Variants in BMP2K observed in about 807,000 individuals in gnomAD.
The protein encoded by BMP2K is BMP-2-inducible protein kinase.
A neutral mutation model predicts 116.0 loss-of-function variants in BMP2K; 74 were observed. That is an observed-to-expected ratio of 0.64 (90% CI 0.53 to 0.77). BMP2K has a LOEUF of 0.77. Among genes scored for constraint, BMP2K ranks in the 30% least tolerant of loss-of-function variants. The pLI, the probability that BMP2K is intolerant of heterozygous loss-of-function variation, is 0.00. For missense variants in BMP2K, 1,365 were observed against 1,403.6 expected (o/e 0.97, Z 0.44); for synonymous variants, 486 against 502.5 (o/e 0.97, Z 0.44).
At chr4:78,806,566 CT>C (rs1728830418) in intron 1 of BMP2K, among the ~76,000 whole-genome samples, 1 of 152,196 alleles carries the variant, frequency 6.6e-6, no homozygotes, top group African/African-American at 2.4e-5. Context: ...ACCTAAATTG[CT>C]TGGGCTAGAA....
At chr4:78,848,550 T>A (rs377341201) in intron 6 of BMP2K, among the ~76,000 whole-genome samples, 194 of 151,674 alleles carry the variant, frequency 1.3e-3, no homozygotes, top group African/African-American at 4.4e-3. Flanking sequence ...ATAGGCATCA[T>A]ACTTTTCATT....
intron 15 of BMP2K, among the ~76,000 whole-genome samples, chr4:78,908,080 C>T (rs1486564336): frequency 1.3e-5 from 2 of 151,846 alleles, no homozygotes; most frequent in Admixed American, 6.6e-5. Flanking sequence ...AGAAGTCAAA[C>T]TTGAGAATCT....
intron 1 of BMP2K, among the ~76,000 whole-genome samples, chr4:78,820,183 T>G (rs975986430): frequency 6.6e-6 from 1 of 152,244 alleles, no homozygotes; most frequent in Non-Finnish European, 1.5e-5. Flanking sequence ...TTTGGTAAAA[T>G]GCCATCAGTA....
Position 78,874,214 on chromosome 4 carries a change from C to A in BMP2K, c.1793+1416C>A, listed in dbSNP as rs116152881. 4.3e-3 allele frequency among the ~76,000 whole-genome samples: 655 copies of A among 151,924 alleles called. 8 individuals are homozygous for A. The highest frequency in any genetic ancestry group is 0.015 in the African/African-American group (612 of 41,392). On this transcript the variant is annotated intron_variant, in intron 13 of 15. Coordinates refer to ENST00000502613, the MANE Select transcript of BMP2K (RefSeq NM_198892.2). ...ACACACACACACAAAAAGTTCAGAT[C>A]AGTATTTGCCGAACTCTTTGTCATT...
At chr4:78,865,488 C>A in intron 9 of BMP2K, 69 bp from the exon 10 acceptor site, 1 of 1,448,240 alleles carries the variant, frequency 6.9e-7, no homozygotes, top group Non-Finnish European at 9.6e-7. Flanking sequence ...GAGTTGGATG[C>A]TTTATAGAAT....
intron 8 of BMP2K, chr4:78,860,174 C>A (rs1270583839): frequency 1.4e-5 from 6 of 436,760 alleles, no homozygotes; most frequent in Middle Eastern, 3.6e-4. Context: ...GAGTAATAGA[C>A]ATTGGAAGTC....
chr4:78,903,016 C>G (rs1349267906), intron 15 of BMP2K, among the ~76,000 whole-genome samples: 1 of 150,538 alleles, frequency 6.6e-6, no homozygotes, highest in Non-Finnish European at 1.5e-5. Context: ...TAGGCATTGA[C>G]TACAAATTTT....
intron 7 of BMP2K, among the ~76,000 whole-genome samples, chr4:78,855,462 G>C (rs1410176257): frequency 6.6e-6 from 1 of 152,100 alleles, no homozygotes; most frequent in African/African-American, 2.4e-5. Flanking sequence ...AGAGATGGTG[G>C]CTTAACTTTA....
At chr4:78,810,147 C>T (rs1729015530) in intron 1 of BMP2K, among the ~76,000 whole-genome samples, 1 of 152,208 alleles carries the variant, frequency 6.6e-6, no homozygotes, top group Admixed American at 6.5e-5. Flanking sequence ...TCCTTAAACA[C>T]CTGGGACTAA....
At chr4:78,862,754 G>A (rs923804869) in intron 9 of BMP2K, among the ~76,000 whole-genome samples, 2 of 151,990 alleles carry the variant, frequency 1.3e-5, no homozygotes, top group African/African-American at 2.4e-5. Flanking sequence ...TTTAAAAAAT[G>A]GTGTTACTTT....
intron 13 of BMP2K, among the ~76,000 whole-genome samples, 166 bp downstream of exon 13, chr4:78,872,964 C>G (rs1475589430): frequency 6.6e-6 from 1 of 152,220 alleles, no homozygotes; most frequent in Non-Finnish European, 1.5e-5. Context: ...CATCCCCATC[C>G]TTCCGTTTCC....
At chr4:78,874,207 T>A (rs2110062960) in intron 13 of BMP2K, among the ~76,000 whole-genome samples, 2 of 150,464 alleles carry the variant, frequency 1.3e-5, no homozygotes, top group South Asian at 4.2e-4. Context: ...ACACAAAAAG[T>A]TCAGATCAGT....
chr4:78,809,990 A>C (rs1215457363), intron 1 of BMP2K, among the ~76,000 whole-genome samples: 3 of 152,202 alleles, frequency 2.0e-5, no homozygotes, highest in Non-Finnish European at 4.4e-5. Context: ...TGGAAACTGG[A>C]TTCCTCTACT....
At chr4:78,787,999 AG>A (rs1403221263) in intron 1 of BMP2K, among the ~76,000 whole-genome samples, 4 of 152,086 alleles carry the variant, frequency 2.6e-5, no homozygotes, top group Non-Finnish European at 5.9e-5. Context: ...GTCAGTGGTT[AG>A]TTTAGGTTTT....
intron 9 of BMP2K, among the ~76,000 whole-genome samples, chr4:78,865,086 T>G (rs1252073308): frequency 6.6e-6 from 1 of 152,190 alleles, no homozygotes; most frequent in Non-Finnish European, 1.5e-5. Flanking sequence ...TTAAAAGTTT[T>G]GGCTTATTTT....
chr4:78,886,437 A>G (rs1407013752), intron 14 of BMP2K, among the ~76,000 whole-genome samples: 2 of 152,082 alleles, frequency 1.3e-5, no homozygotes, highest in Non-Finnish European at 2.9e-5. Context: ...CACCATATAC[A>G]TTTCTTATTA....
At chr4:78,889,917 C>G (rs1733339336) in intron 15 of BMP2K, among the ~76,000 whole-genome samples, 1 of 152,150 alleles carries the variant, frequency 6.6e-6, no homozygotes, top group Non-Finnish European at 1.5e-5. Flanking sequence ...AGTTTTAAGT[C>G]TAATGCTAAT....
In BMP2K at chr4:78,861,364, G is replaced by C. The variant is rs1236683157; in HGVS notation, c.988-25G>C. 35 of 1,551,466 alleles carry C rather than the reference G, an allele frequency of 2.3e-5. No homozygotes were observed. In the Admixed American group the frequency reaches 6.7e-4, roughly 30 times the overall value. ...CAATTAAAATAAAAAACTAAAATGA[G>C]ACGTTTTATTTTTTTTCTTCCAAGA... On this transcript the variant is annotated intron_variant, in intron 8 of 15. Transcript: ENST00000502613.
At chr4:78,786,697 T>C (rs1727748724) in intron 1 of BMP2K, among the ~76,000 whole-genome samples, 1 of 152,206 alleles carries the variant, frequency 6.6e-6, no homozygotes, top group Admixed American at 6.5e-5. Flanking sequence ...AGGATATATT[T>C]AAAATAGTTA....
Sources: allele counts gnomAD v4.1 joint callset (sites outside exome capture counted in the v4.1 genomes callset), GRCh38; gene constraint gnomAD v4.1.1; transcripts MANE v1.5; gene names NCBI Gene and HGNC (gene_info 2026-07-23, HGNC 2026-07-21).